Variants in IGSF9 observed in about 807,000 individuals in gnomAD.
IGSF9 encodes immunoglobulin superfamily member 9.
A neutral mutation model predicts 121.7 loss-of-function variants in IGSF9; 87 were observed. The observed-to-expected ratio is 0.71, with a 90% CI of 0.60 to 0.85. The LOEUF (loss-of-function observed/expected upper bound fraction) is 0.85. IGSF9 is among the 40% of genes least tolerant of loss of function. IGSF9 has a pLI of 0.00. For synonymous variants in IGSF9, 640 were observed against 648.4 expected (o/e 0.99, Z 0.20); for missense variants, 1,462 against 1,565.3 (o/e 0.93, Z 1.11).
At chr1:159,936,233 G>A (rs1306574940) in intron 6 of IGSF9, among the ~76,000 whole-genome samples, 166 bp downstream of exon 6, 3 of 152,192 alleles carry the variant, frequency 2.0e-5, no homozygotes, top group African/African-American at 4.8e-5. Context: ...TAAAATTAAG[G>A]TGCTGGTTTC....
intron 15 of IGSF9, 30 bp from the exon 16 acceptor site, chr1:159,930,005 G>T (rs777514806): frequency 1.9e-6 from 3 of 1,592,132 alleles, no homozygotes; most frequent in Admixed American, 1.7e-5. Context: ...CCAGGAGGGA[G>T]GTCAGGGCCC....
chr1:159,930,668 G>A (rs1455691789), intron 14 of IGSF9, 24 bp downstream of exon 14: 1 of 1,613,606 alleles, frequency 6.2e-7, no homozygotes, highest in Non-Finnish European at 8.5e-7. Flanking sequence ...TGTCTCTGCT[G>A]TTCTGGGACG....
At chr1:159,934,102 C>A in intron 9 of IGSF9, 88 bp downstream of exon 9, 1 of 1,425,450 alleles carries the variant, frequency 7.0e-7, no homozygotes. Flanking sequence ...AGTCACTGAA[C>A]TGAATTAAAC....
chr1:159,932,401 AACCCCTCCCCATGTGTCTGCCCC>A lies in IGSF9; in HGVS notation c.1245+88_1245+110del. ...GGCCACCATGGGAAACAAACTTGGAAACCCCTCCCCATGTGTCTGCCCCACCCCACCCCCATCAGCCTGGCCTT... is the reference window on the plus strand; with the variant it reads ...GGCCACCATGGGAAACAAACTTGGAAACCCCACCCCCATCAGCCTGGCCTT... On this transcript the variant is annotated intron_variant, in intron 10 of 20. Transcript: ENST00000368094. This position sits in a 1 kb window ranked among gnomAD's most constrained non-coding sequence, Gnocchi z 4.1. The A allele has an allele frequency of 8.6e-7, 1 of 1,162,570 alleles. No individual in the cohort carries two copies. The highest frequency in any genetic ancestry group is 1.4e-5 in the South Asian group (1 of 69,058). The allele number at this position is 1,162,570 out of a possible 1,614,324, so 72.0% of individuals were successfully genotyped here.
chr1:159,943,374 T>C (rs752772900), intron 2 of IGSF9, 23 bp downstream of exon 2: 2 of 1,550,870 alleles, frequency 1.3e-6, no homozygotes, highest in Admixed American at 2.0e-5. Context: ...CAGGGCATTC[T>C]TGAGCCCAAG....
Position 159,930,746 on chromosome 1 carries a change from G to A in IGSF9, c.1759C>T (p.Gln587Ter). The change falls in exon 14 of 21, where the codon CAG (glutamine) becomes TAG (stop). Residue 587 changes from glutamine (Q) to a stop codon, truncating the protein, a stop_gained. Coordinates refer to ENST00000368094, the MANE Select transcript of IGSF9 (RefSeq NM_001135050.2). LOFTEE classifies it high-confidence loss of function. ...AAGGGACCACTCCCCAGCTTGTTCT[G>A]AGCTAGCACGCTGAACTGGTACTGG... ...HTQYQFSVLA[Q>*]NKLGSGPFSE... is the part of the protein sequence containing the mutation. 2 of 1,614,130 alleles carry A rather than the reference G, an allele frequency of 1.2e-6. No individual in the cohort carries two copies. The highest frequency in any genetic ancestry group is 1.7e-6 in the Non-Finnish European group (2 of 1,180,010).
At position 159,932,599 on chromosome 1, in the gene IGSF9, G is replaced by A. The variant is rs139494245; in HGVS notation, c.1158C>T (p.Asn386=). Residue 386 remains asparagine (N), a synonymous_variant, in exon 10 of 21, where the codon AAC becomes AAT. Coordinates refer to ENST00000368094, the MANE Select transcript of IGSF9 (RefSeq NM_001135050.2). This position sits in a 1 kb window ranked among gnomAD's most constrained non-coding sequence, Gnocchi z 4.1. Reference sequence around the variant, plus strand: ...AGGAGTATTCTCCCAGGGCATCCTCGTTCCCCAGGGCGATGATCAGTGAGC... The same window carrying A: ...AGGAGTATTCTCCCAGGGCATCCTCATTCCCCAGGGCGATGATCAGTGAGC... ...TEGSLIIALG[N]EDALGEYSCT... 8.6e-5 allele frequency: 138 copies of A among 1,613,916 alleles called. No homozygotes were observed. Among genetic ancestry groups the A allele is most frequent in the East Asian group, 4.0e-4 (18 of 44,872 alleles).
At position 159,930,621 on chromosome 1, in the gene IGSF9, C is replaced by T. The variant is rs1650960337; in HGVS notation, c.1813+71G>A. On this transcript the variant is annotated intron_variant, in intron 14 of 20. Coordinates refer to ENST00000368094, the MANE Select transcript of IGSF9 (RefSeq NM_001135050.2). ...TCTGCCCCTTCCCACCCAGGGCCTC[C>T]CATATCCCAGCTCTCCCAGCAGCCC... 5.0e-6 allele frequency: 8 copies of T among 1,596,528 alleles called. No individual in the cohort carries two copies. In the South Asian group the frequency reaches 6.7e-5, roughly 13 times the overall value.
intron 19 of IGSF9, 108 bp downstream of exon 19, chr1:159,928,050 G>GT (rs1463905857): frequency 2.0e-6 from 3 of 1,490,824 alleles, no homozygotes; most frequent in Non-Finnish European, 1.8e-6. Flanking sequence ...AAGTTTTCCC[G>GT]TTCCCAGGGT....
rs776643742 is a variant in IGSF9 at position 159,931,855 on chromosome 1, C to T, written c.1319G>A (p.Cys440Tyr). 2.5e-6 allele frequency: 4 copies of T among 1,595,854 alleles called. No homozygotes were observed. The highest frequency in any genetic ancestry group is 3.4e-6 in the Non-Finnish European group (4 of 1,173,600). ...AGGAGGAGGGTCCCCTTGGGCGGAG[C>T]AGGGGATGAGCAGCTCCCGCCCTAC... ...QEVGRELLIP[C>Y]SAQGDPPPVV... Residue 440 changes from cysteine (C) to tyrosine (Y), a missense_variant, in exon 11 of 21, where the codon TGC becomes TAC. Around this residue, in one of 3 missense-constraint regions of IGSF9, gnomAD observed 558 missense variants for 599.4 expected, o/e 0.93. Transcript: ENST00000368094. This position sits in a 1 kb window ranked among gnomAD's most constrained non-coding sequence, Gnocchi z 4.8.
At chr1:159,930,074 G>A (rs1254140643) in intron 15 of IGSF9, 99 bp from the exon 16 acceptor site, 3 of 1,548,934 alleles carry the variant, frequency 1.9e-6, no homozygotes, top group Non-Finnish European at 2.6e-6. Context: ...GAAGGGTGAG[G>A]TAGGACGCAG....
chr1:159,939,742 T>A (rs1342818329), intron 3 of IGSF9, among the ~76,000 whole-genome samples: 1 of 152,230 alleles, frequency 6.6e-6, no homozygotes, highest in East Asian at 1.9e-4. Flanking sequence ...TTTGTGATCT[T>A]AGCCAAGAGT....
chr1:159,930,429 G>A lies in IGSF9; in HGVS notation c.1824C>T (p.Thr608=). The change falls in exon 15 of 21, where the codon ACC becomes ACT. Residue 608 remains threonine, a synonymous_variant. Transcript: ENST00000368094. ...IVLSAPEGLP[T]TPAAPGLPPT... ...GGGGAAGCCCGGGTGCAGCTGGCGT[G>A]GTAGGAAGCCCTGCGTGGGACAGAA... The A allele has an allele frequency of 6.5e-7, 1 of 1,537,982 alleles. No individual in the cohort carries two copies. Among genetic ancestry groups the A allele is most frequent in the Middle Eastern group, 1.8e-4 (1 of 5,562 alleles).
chr1:159,935,400 T>C (rs1171877559), intron 6 of IGSF9, among the ~76,000 whole-genome samples: 1 of 152,182 alleles, frequency 6.6e-6, no homozygotes, highest in Non-Finnish European at 1.5e-5. Context: ...CAGCCATCTT[T>C]CCATATGTCA....
At chr1:159,938,832 T>C (rs1651284616) in intron 3 of IGSF9, among the ~76,000 whole-genome samples, 1 of 152,264 alleles carries the variant, frequency 6.6e-6, no homozygotes, top group East Asian at 1.9e-4. Flanking sequence ...TGTAGCATGG[T>C]GCCTGGCATC....
intron 6 of IGSF9, among the ~76,000 whole-genome samples, chr1:159,935,774 G>A (rs565387379): frequency 1.1e-4 from 16 of 152,242 alleles, no homozygotes; most frequent in South Asian, 4.1e-4. Flanking sequence ...GAGGCAGAGA[G>A]ATTGTGAGGT....
At position 159,930,682 on chromosome 1, in the gene IGSF9, AGCTTCTCACCTTCCGGAG is replaced by A; in HGVS notation, c.1805_1813+9del. ...TTGTCTCTGCTGTTCTGGGACGAGA[AGCTTCTCACCTTCCGGAG>A]CAGACAAGACGATTTCGCTGAAGGG... On this transcript the variant is annotated splice_donor_variant and splice_donor_5th_base_variant and coding_sequence_variant and intron_variant, in exon 14 of 21. Coordinates refer to ENST00000368094, the MANE Select transcript of IGSF9 (RefSeq NM_001135050.2). LOFTEE classifies it high-confidence loss of function. 2 of 1,613,860 alleles carry A rather than the reference AGCTTCTCACCTTCCGGAG, an allele frequency of 1.2e-6. No homozygotes were observed. The highest frequency in any genetic ancestry group is 1.7e-6 in the Non-Finnish European group (2 of 1,179,900).
chr1:159,928,234 G>T lies in IGSF9; in HGVS notation c.3154C>A (p.Pro1052Thr). ...SAGGSYLSPAPGDTSSWASGP... is the reference protein window; with the variant it reads ...SAGGSYLSPATGDTSSWASGP... ...CTGGCCCAGCTGCTGGTGTCTCCTG[G>T]AGCAGGGCTGAGGTAGCTGCCTCCT... Residue 1052 changes from proline to threonine, a missense_variant, in exon 19 of 21, where the codon CCA becomes ACA. By Grantham distance (38) the Pro-to-Thr change is conservative. Transcript: ENST00000368094. 2 of 1,613,174 alleles carry T rather than the reference G, an allele frequency of 1.2e-6. No individual in the cohort carries two copies. The highest frequency in any genetic ancestry group is 8.5e-7 in the Non-Finnish European group (1 of 1,179,918).
chr1:159,943,757 A>AG (rs3215993), intron 1 of IGSF9, 129 bp from the exon 2 acceptor site: 11 of 280,822 alleles, frequency 3.9e-5, no homozygotes, highest in Non-Finnish European at 6.5e-5. Flanking sequence ...GGTAGGGGGA[A>AG]GGGGGGGATC....
Sources: gnomAD v4.1 joint callset for allele counts (sites outside exome capture counted in the v4.1 genomes callset) on GRCh38, gnomAD v4.1.1 for gene constraint, gnomAD v4.1.1 regional missense constraint, Gnocchi (gnomAD v3.1) non-coding constraint, MANE v1.5 for transcripts, NCBI Gene and HGNC (gene_info 2026-07-23, HGNC 2026-07-21) for gene names.